PDE4B: variants seen among roughly 807,000 people sequenced by gnomAD.
The protein encoded by PDE4B is 3',5'-cyclic-AMP phosphodiesterase 4B.
A neutral mutation model predicts 82.2 loss-of-function variants in PDE4B; 20 were observed. The observed-to-expected ratio is 0.24, with a 90% CI of 0.17 to 0.35. The LOEUF is 0.35. PDE4B is among the 10% of genes least tolerant of loss of function. The pLI is 1.00. For synonymous variants in PDE4B, 320 were observed against 318.9 expected, an observed-to-expected ratio of 1.00 and a Z score of -0.04; for missense variants, 655 against 907.2, an observed-to-expected ratio of 0.72 and a Z score of 3.57.
intron 6 of PDE4B, among the ~76,000 whole-genome samples, chr1:66,262,921 C>G (rs183413552): frequency 6.6e-6 from 1 of 152,254 alleles, no homozygotes; most frequent in Admixed American, 6.5e-5. Flanking sequence ...TGATTTGACA[C>G]GCTATAAAGA....
At chr1:66,362,968 TGTTCA>T (rs1161681103) in intron 10 of PDE4B, among the ~76,000 whole-genome samples, 195 bp from the exon 11 acceptor site, 1 of 152,154 alleles carries the variant, frequency 6.6e-6, no homozygotes, top group Non-Finnish European at 1.5e-5. Flanking sequence ...GAATAAAAAA[TGTTCA>T]GAAACTTGTA....
intron 3 of PDE4B, among the ~76,000 whole-genome samples, chr1:66,041,367 G>T (rs989950446): frequency 6.6e-6 from 1 of 151,954 alleles, no homozygotes; most frequent in Admixed American, 6.6e-5. Flanking sequence ...CTCTCTTGAT[G>T]TTAGTTTGTT....
intron 4 of PDE4B, among the ~76,000 whole-genome samples, chr1:66,249,764 A>C (rs1410115427): frequency 2.6e-5 from 4 of 151,090 alleles, no homozygotes; most frequent in African/African-American, 4.9e-5. Flanking sequence ...ATTTAATATC[A>C]TTCTCACTTT....
chr1:66,075,950 A>G (rs1402970784), intron 3 of PDE4B, among the ~76,000 whole-genome samples: 1 of 152,126 alleles, frequency 6.6e-6, no homozygotes, highest in Non-Finnish European at 1.5e-5. Context: ...CCATGGGCCA[A>G]GCAAAACAAG....
chr1:66,194,728 G>A (rs1648138499), intron 3 of PDE4B, among the ~76,000 whole-genome samples: 1 of 152,060 alleles, frequency 6.6e-6, no homozygotes, highest in Non-Finnish European at 1.5e-5. Flanking sequence ...TAAAAAAGGT[G>A]AGTTCCTTGA....
intron 3 of PDE4B, among the ~76,000 whole-genome samples, chr1:66,137,522 A>G (rs1570320619): frequency 6.6e-6 from 1 of 152,212 alleles, no homozygotes; most frequent in East Asian, 1.9e-4. Flanking sequence ...TAGAAATTAT[A>G]AAGACTGAAC....
chr1:65,967,440 A>C (rs995708618), intron 3 of PDE4B, among the ~76,000 whole-genome samples: 1 of 152,230 alleles, frequency 6.6e-6, no homozygotes, highest in African/African-American at 2.4e-5. Flanking sequence ...TGTTGGTGAG[A>C]GTGTAAATTA....
chr1:66,180,836 A>C (rs1000026012), intron 3 of PDE4B, among the ~76,000 whole-genome samples: 3 of 152,152 alleles, frequency 2.0e-5, no homozygotes, highest in African/African-American at 7.2e-5. Context: ...AGAGAGAGAG[A>C]GAGAATGTGT....
intron 1 of PDE4B, among the ~76,000 whole-genome samples, chr1:65,868,654 GC>G (rs1207804349): frequency 6.6e-6 from 1 of 152,150 alleles, no homozygotes; most frequent in Non-Finnish European, 1.5e-5. Flanking sequence ...ATAGCAGGGG[GC>G]CCCCAACCCC....
chr1:65,999,074 T>G (rs77305869), intron 3 of PDE4B, among the ~76,000 whole-genome samples: 1,622 of 152,308 alleles, frequency 0.011, 24 homozygotes, highest in African/African-American at 0.036. Context: ...AAAAGGGCTT[T>G]GCAAAGTAAT....
chr1:66,340,555 C>T (rs1660903307), intron 8 of PDE4B, among the ~76,000 whole-genome samples: 1 of 152,084 alleles, frequency 6.6e-6, no homozygotes, highest in Admixed American at 6.5e-5. Flanking sequence ...CTTCATGGCT[C>T]AGTAACTTTC....
In PDE4B at chr1:66,363,478, C is replaced by T. The variant is rs1250675507; in HGVS notation, c.1191C>T (p.Asp397=). 1 of 1,613,490 alleles carries T rather than the reference C, an allele frequency of 6.2e-7. No homozygotes were observed. The highest frequency in any genetic ancestry group is 1.7e-4 in the Middle Eastern group (1 of 6,056). Residue 397 remains aspartate (D), a synonymous_variant, in exon 12 of 17, where the codon GAC becomes GAT. Transcript: ENST00000341517. ...TAACCTACATGATGACTTTAGAAGA[C>T]CATTACCATTCTGACGTGGCATATC... ...TFITYMMTLE[D]HYHSDVAYHN...
chr1:65,864,860 A>T (rs1178514067), intron 1 of PDE4B, among the ~76,000 whole-genome samples: 1 of 152,146 alleles, frequency 6.6e-6, no homozygotes, highest in Non-Finnish European at 1.5e-5. Context: ...CCACTCTAGG[A>T]GGCAGTCAGT....
At chr1:66,034,527 T>A (rs1653964274) in intron 3 of PDE4B, among the ~76,000 whole-genome samples, 1 of 152,236 alleles carries the variant, frequency 6.6e-6, no homozygotes, top group Non-Finnish European at 1.5e-5. Context: ...ATGAACTGGC[T>A]TAACTACAAA....
In PDE4B at chr1:65,925,321, G is replaced by A. The variant is rs536748812; in HGVS notation, c.281+6486G>A. Among the ~76,000 whole-genome samples the A allele has an allele frequency of 2.8e-4, 43 of 151,838 alleles. No homozygotes were observed. In the South Asian group the frequency reaches 5.0e-3, roughly 18 times the overall value. ...CCTGCACATCCTGCACATGTACCCCGGAACTGAAAATTAAAAAAAATTCCT... is the reference window on the plus strand; with the variant it reads ...CCTGCACATCCTGCACATGTACCCCAGAACTGAAAATTAAAAAAAATTCCT... On this transcript the variant is annotated intron_variant, in intron 3 of 16. Coordinates refer to ENST00000341517, the MANE Select transcript of PDE4B (RefSeq NM_002600.4).
At chr1:66,082,281 C>G (rs1656781944) in intron 3 of PDE4B, among the ~76,000 whole-genome samples, 1 of 152,122 alleles carries the variant, frequency 6.6e-6, no homozygotes, top group South Asian at 2.1e-4. Flanking sequence ...CCTTTGTTCT[C>G]TCTGGGCTCC....
chr1:66,178,850 CT>C (rs979142392), intron 3 of PDE4B, among the ~76,000 whole-genome samples: 4 of 151,484 alleles, frequency 2.6e-5, no homozygotes, highest in South Asian at 2.1e-4. Context: ...TCTATCTTAA[CT>C]TTTTTTTTCT....
At position 66,081,763 on chromosome 1, in the gene PDE4B, C is replaced by G. The variant is rs150232371; in HGVS notation, c.281+162928C>G. ...GACAGGTGGATATATAAAAGCCCAT[C>G]TTTTCTTTACTATAAAACATTCTAC... is the stretch of plus-strand genomic sequence containing the variant. On this transcript the variant is annotated intron_variant, in intron 3 of 16. Coordinates refer to ENST00000341517, the MANE Select transcript of PDE4B (RefSeq NM_002600.4). Among the ~76,000 whole-genome samples the G allele has an allele frequency of 6.6e-3, 995 of 151,106 alleles. 9 individuals are homozygous for G. The highest frequency in any genetic ancestry group is 0.021 in the South Asian group (100 of 4,786).
chr1:66,355,406 A>G lies in PDE4B; in HGVS notation c.748-121A>G, dbSNP rs575532150. 30 of 503,820 alleles carry G rather than the reference A, an allele frequency of 6.0e-5. 2 individuals are homozygous for G. The South Asian group carries it at 1.1e-3, about 19-fold the overall frequency. 31.2% of individuals were successfully genotyped at this position (503,820 alleles called of 1,614,324 possible). ...AGATATATTTTGTAGAAACAGTATTATTTATCTAATGGTATCTGCTCATCC... is the reference window on the plus strand; with the variant it reads ...AGATATATTTTGTAGAAACAGTATTGTTTATCTAATGGTATCTGCTCATCC... On this transcript the variant is annotated intron_variant, in intron 8 of 16. Coordinates refer to ENST00000341517, the MANE Select transcript of PDE4B (RefSeq NM_002600.4).
Sources: gnomAD v4.1 joint callset for allele counts (sites outside exome capture counted in the v4.1 genomes callset) on GRCh38, gnomAD v4.1.1 for gene constraint, MANE v1.5 for transcripts, NCBI Gene and HGNC (gene_info 2026-07-23, HGNC 2026-07-21) for gene names.